The following GTF2A1 variants were observed in gnomAD, a reference collection of about 807,000 sequenced individuals.
GTF2A1 encodes transcription initiation factor IIA subunit 1.
A neutral mutation model predicts 54.1 loss-of-function variants in GTF2A1; 12 were observed. That is an observed-to-expected ratio of 0.22 (90% CI 0.14 to 0.36). GTF2A1 has a LOEUF of 0.36. Ranked by LOEUF, GTF2A1 falls within the 10% of genes least tolerant of loss-of-function variation. The pLI is 1.00. For synonymous variants in GTF2A1, 145 were observed against 152.0 expected (o/e 0.95, Z 0.34); for missense variants, 335 against 442.2 (o/e 0.76, Z 2.17).
rs1481856236 is a variant in GTF2A1, at chr14:81,175,553, G to A, written c.*4670C>T. The stretch of plus-strand genomic sequence containing the variant: ...TTAACAGGATAAAAAAATACAAAAA[G>A]GCGAGCTTCTTAATGATTCAGCTGA... On this transcript the variant is annotated 3_prime_UTR_variant, in exon 9 of 9. Transcript: ENST00000553612. 4 of 152,240 alleles carry A rather than the reference G, an allele frequency of 2.6e-5. No individual in the cohort carries two copies. Among genetic ancestry groups the A allele is most frequent in the South Asian group, 4.1e-4 (2 of 4,824 alleles). 9.4% of individuals were successfully genotyped at this position (152,240 alleles called of 1,614,324 possible).
chr14:81,220,669 A>T lies in GTF2A1; in HGVS notation c.-151T>A, dbSNP rs1893616179. ...TAAACAAAATCAATCCTGAAGGAGT[A>T]GGGGAGAGCGGAGAGAGGAGGAGGA... On this transcript the variant is annotated 5_prime_UTR_variant, in exon 1 of 9. Transcript: ENST00000553612. 5.9e-6 allele frequency: 2 copies of T among 341,490 alleles called. No homozygotes were observed. Among genetic ancestry groups the T allele is most frequent in the Admixed American group, 4.5e-5 (1 of 22,178 alleles). The allele number at this position is 341,490 out of a possible 1,614,324, so 21.2% of individuals were successfully genotyped here. A position where few individuals can be genotyped will look rare whatever the true frequency, so the allele number is the denominator to read the frequency against.
At chr14:81,208,799 C>T (rs1893298812) in intron 2 of GTF2A1, among the ~76,000 whole-genome samples, 2 of 152,202 alleles carry the variant, frequency 1.3e-5, no homozygotes, top group Non-Finnish European at 1.5e-5. Context: ...GGAGTTTTAA[C>T]GTAAGACTGC....
Position 81,216,624 on chromosome 14 carries a change from A to G in GTF2A1, c.31-110T>C, listed in dbSNP as rs1595233136. The G allele has an allele frequency of 5.2e-6, 3 of 578,752 alleles. No homozygotes were observed. In the East Asian group the frequency reaches 8.9e-5, roughly 17 times the overall value. The allele number at this position is 578,752 out of a possible 1,614,324, so 35.9% of individuals were successfully genotyped here. ...TAGTCATTTTGCCAACTATCTATAT[A>G]TGACTTTAAAGATACGACCACCATC... On this transcript the variant is annotated intron_variant, in intron 1 of 8. Transcript: ENST00000553612.
intron 1 of GTF2A1, among the ~76,000 whole-genome samples, chr14:81,217,309 T>G (rs373952158): frequency 3.9e-5 from 6 of 152,318 alleles, no homozygotes; most frequent in African/African-American, 1.4e-4. Context: ...AAATATTTTT[T>G]AAAAACTACA....
intron 8 of GTF2A1, among the ~76,000 whole-genome samples, chr14:81,185,047 G>A (rs1892714443): frequency 6.6e-6 from 1 of 152,138 alleles, no homozygotes; most frequent in Non-Finnish European, 1.5e-5. Flanking sequence ...CTACAGCAAA[G>A]TTAAATAATA....
At chr14:81,219,503 C>T (rs1185938619) in intron 1 of GTF2A1, among the ~76,000 whole-genome samples, 1 of 152,188 alleles carries the variant, frequency 6.6e-6, no homozygotes, top group African/African-American at 2.4e-5. Context: ...AGGAGGACCA[C>T]AAGGCTCAGG....
chr14:81,177,297 A>ATT lies in GTF2A1; in HGVS notation c.*2925_*2926insAA, dbSNP rs1830859589. The ATT allele has an allele frequency of 6.6e-6, 1 of 152,150 alleles. No homozygotes were observed. The highest frequency in any genetic ancestry group is 6.5e-5 in the Admixed American group (1 of 15,282). 9.4% of individuals were successfully genotyped at this position (152,150 alleles called of 1,614,324 possible). Reference sequence around the variant, plus strand: ...AGAAAGAAATGTGAACATTTAAAAAATAGAAAAGCCCAACATAAAGATCCC... The same window carrying ATT: ...AGAAAGAAATGTGAACATTTAAAAAATTTAGAAAAGCCCAACATAAAGATCCC... On this transcript the variant is annotated 3_prime_UTR_variant, in exon 9 of 9. Coordinates refer to ENST00000553612, the MANE Select transcript of GTF2A1 (RefSeq NM_015859.4).
chr14:81,211,875 T>TATATATATATATATATATATATA (rs1419902730), intron 2 of GTF2A1, among the ~76,000 whole-genome samples: 41 of 68,490 alleles, frequency 6.0e-4, no homozygotes, highest in South Asian at 8.8e-4. Context: ...ATCAAGTACT[T>TATATATATATATATATATATATA]TATATATATA....
chr14:81,185,632 A>C lies in GTF2A1; in HGVS notation c.934-12T>G. On this transcript the variant is annotated splice_polypyrimidine_tract_variant and intron_variant, in intron 7 of 8. Transcript: ENST00000553612. Reference sequence around the variant, plus strand: ...CTATTGAGGGGCTCCTACAAATAAAAGGAGAGTTCTTATTACTATAAGAAG... The same window carrying C: ...CTATTGAGGGGCTCCTACAAATAAACGGAGAGTTCTTATTACTATAAGAAG... 1 of 1,436,744 alleles carries C rather than the reference A, an allele frequency of 7.0e-7. No homozygotes were observed. The allele number at this position is 1,436,744 out of a possible 1,614,324, so 89.0% of individuals were successfully genotyped here.
chr14:81,203,874 A>T, intron 3 of GTF2A1, 26 bp downstream of exon 3: 1 of 1,564,658 alleles, frequency 6.4e-7, no homozygotes, highest in Non-Finnish European at 8.8e-7. Flanking sequence ...TCCAAGTCAT[A>T]AGTAGGAAAA....
chr14:81,192,481 T>C (rs776746074), intron 7 of GTF2A1, 38 bp downstream of exon 7: 7 of 1,483,726 alleles, frequency 4.7e-6, no homozygotes, highest in Non-Finnish European at 5.5e-6. Context: ...AAGGAAATAA[T>C]CAAGTAGATT....
chr14:81,202,840 G>C (rs769370600), intron 3 of GTF2A1: 1 of 497,102 alleles, frequency 2.0e-6, no homozygotes, highest in Admixed American at 2.1e-5. Flanking sequence ...CATCAAAAAA[G>C]AATAAAAGGA....
At chr14:81,217,997 A>G (rs2140045425) in intron 1 of GTF2A1, among the ~76,000 whole-genome samples, 1 of 152,290 alleles carries the variant, frequency 6.6e-6, no homozygotes, top group South Asian at 2.1e-4. Context: ...CCCTACTTTA[A>G]CATTCTAATT....
intron 7 of GTF2A1, 74 bp from the exon 8 acceptor site, chr14:81,185,694 T>C (rs1235081141): frequency 4.1e-6 from 3 of 729,902 alleles, no homozygotes; most frequent in Non-Finnish European, 6.9e-6. Flanking sequence ...TATAATGACC[T>C]TGATGTTCTT....
intron 6 of GTF2A1, among the ~76,000 whole-genome samples, chr14:81,194,604 A>C (rs539170074): frequency 2.6e-5 from 4 of 152,240 alleles, no homozygotes; most frequent in Non-Finnish European, 5.9e-5. Context: ...TATAAAGTAC[A>C]TAAGTTCCTC....
At chr14:81,197,211 T>C in intron 5 of GTF2A1, 198 bp downstream of exon 5, 2 of 472,160 alleles carry the variant, frequency 4.2e-6, no homozygotes, top group Non-Finnish European at 7.8e-6. Context: ...AGTACAATTT[T>C]CATCTTCTTT....
At position 81,192,765 on chromosome 14, in the gene GTF2A1, T is replaced by G; in HGVS notation, c.687A>C (p.Thr229=). 6.2e-7 allele frequency: 1 copy of G among 1,611,590 alleles called. No individual in the cohort carries two copies. The highest frequency in any genetic ancestry group is 8.5e-7 in the Non-Finnish European group (1 of 1,177,592). Residue 229 remains threonine, a synonymous_variant, in exon 7 of 9, where the codon ACA becomes ACC. Transcript: ENST00000553612. ...VIIQPQQILF[T]GNKTQVIPTT... is the part of the protein sequence containing the mutation. ...TAGGTATAACTTGAGTCTTATTTCC[T>G]GTAAATAAGATTTGCTGAGGCTGGA...
intron 2 of GTF2A1, among the ~76,000 whole-genome samples, chr14:81,205,330 T>C (rs1893205681): frequency 1.3e-5 from 2 of 152,168 alleles, no homozygotes; most frequent in African/African-American, 2.4e-5. Flanking sequence ...TTTGTTGTCA[T>C]GATGCTAGTA....
intron 2 of GTF2A1, among the ~76,000 whole-genome samples, chr14:81,206,986 T>G (rs1893246137): frequency 6.6e-6 from 1 of 152,244 alleles, no homozygotes; most frequent in South Asian, 2.1e-4. Flanking sequence ...ATACTATTAA[T>G]TCTTAAGGAG....
Sources: gnomAD v4.1 joint callset for allele counts (sites outside exome capture counted in the v4.1 genomes callset) on GRCh38, gnomAD v4.1.1 for gene constraint, MANE v1.5 for transcripts, NCBI Gene and HGNC (gene_info 2026-07-23, HGNC 2026-07-21) for gene names.